Variants in TINAG observed in about 807,000 individuals in gnomAD.
TINAG encodes the protein tubulointerstitial nephritis antigen.
A neutral mutation model predicts 72.7 loss-of-function variants in TINAG; 83 were observed. The observed-to-expected ratio is 1.14, with a 90% CI of 0.96 to 1.37. TINAG has a LOEUF of 1.37. Among genes scored for constraint, TINAG ranks in the 40% most tolerant of loss-of-function variants. TINAG has a pLI of 0.00. For missense variants in TINAG, 685 were observed against 576.6 expected (o/e 1.19, Z -1.93); for synonymous variants, 234 against 189.9 (o/e 1.23, Z -1.91).
intron 10 of TINAG, among the ~76,000 whole-genome samples, chr6:54,381,580 G>C (rs982191099): frequency 3.3e-5 from 5 of 151,922 alleles, no homozygotes; most frequent in African/African-American, 1.2e-4. Flanking sequence ...ATACATGGAG[G>C]TATGATGCTT....
At chr6:54,368,892 T>C (rs1582749227) in intron 9 of TINAG, among the ~76,000 whole-genome samples, 1 of 151,762 alleles carries the variant, frequency 6.6e-6, no homozygotes, top group South Asian at 2.1e-4. Flanking sequence ...GATTCTTACA[T>C]TGAAATTTTG....
At chr6:54,318,117 C>T (rs1463138888) in intron 1 of TINAG, among the ~76,000 whole-genome samples, 7 of 152,122 alleles carry the variant, frequency 4.6e-5, no homozygotes, top group Admixed American at 3.3e-4. Flanking sequence ...TCCTGGACCA[C>T]TTTCTCTTAC....
At chr6:54,341,247 T>C (rs1002016380) in intron 4 of TINAG, among the ~76,000 whole-genome samples, 2 of 152,154 alleles carry the variant, frequency 1.3e-5, no homozygotes, top group African/African-American at 2.4e-5. Flanking sequence ...TTTTAAGATA[T>C]GTATATTTCT....
chr6:54,322,500 G>T (rs1046861885), intron 3 of TINAG, among the ~76,000 whole-genome samples: 12 of 152,150 alleles, frequency 7.9e-5, no homozygotes, highest in African/African-American at 1.9e-4. Flanking sequence ...TTCTGGAAAA[G>T]ATTTCACATA....
chr6:54,316,149 T>C (rs1007078959), intron 1 of TINAG, among the ~76,000 whole-genome samples: 3 of 152,150 alleles, frequency 2.0e-5, no homozygotes, highest in Admixed American at 6.6e-5. Context: ...CTGTTACCTA[T>C]ACAGTGGCTA....
At chr6:54,333,519 T>C (rs1784791403) in intron 4 of TINAG, among the ~76,000 whole-genome samples, 1 of 151,978 alleles carries the variant, frequency 6.6e-6, no homozygotes, top group African/African-American at 2.4e-5. Flanking sequence ...CTAATGTAGA[T>C]GATGGATTGA....
intron 9 of TINAG, among the ~76,000 whole-genome samples, chr6:54,363,097 CT>C (rs1763289969): frequency 6.6e-6 from 1 of 151,488 alleles, no homozygotes; most frequent in Non-Finnish European, 1.5e-5. Flanking sequence ...AAGGGAGCAA[CT>C]TGTGTGAAGT....
At chr6:54,317,628 A>G (rs1784403224) in intron 1 of TINAG, among the ~76,000 whole-genome samples, 1 of 152,080 alleles carries the variant, frequency 6.6e-6, no homozygotes, top group Non-Finnish European at 1.5e-5. Context: ...GTATGTCTTT[A>G]TTAGCAGTGT....
At chr6:54,389,370 G>C (rs1764182496) in intron 10 of TINAG, among the ~76,000 whole-genome samples, 1 of 152,080 alleles carries the variant, frequency 6.6e-6, no homozygotes. Flanking sequence ...TTTCACCTTA[G>C]CACTTGCCTT....
chr6:54,353,285 A>C (rs1417082601), intron 8 of TINAG, among the ~76,000 whole-genome samples: 1 of 151,862 alleles, frequency 6.6e-6, no homozygotes, highest in Non-Finnish European at 1.5e-5. Context: ...TACAGAAAAG[A>C]AAAGCCACTA....
In TINAG at chr6:54,346,527, T is replaced by C. The variant is rs558003382; in HGVS notation, c.749-840T>C. On this transcript the variant is annotated intron_variant, in intron 5 of 10. Coordinates refer to ENST00000259782, the MANE Select transcript of TINAG (RefSeq NM_014464.4). ...TCAGTTACATATATAGCTATTAGAT[T>C]GTATATATATAATTACATGTATAGC... 9.2e-4 allele frequency among the ~76,000 whole-genome samples: 140 copies of C among 151,472 alleles called. 1 individual carries two copies. The highest frequency in any genetic ancestry group is 3.3e-3 in the African/African-American group (137 of 41,390).
chr6:54,356,907 A>G (rs1216967738), intron 9 of TINAG, among the ~76,000 whole-genome samples: 1 of 83,554 alleles, frequency 1.2e-5, no homozygotes, highest in African/African-American at 6.2e-5. Context: ...TAGTGTTGTT[A>G]TCCCTCAGAT....
chr6:54,350,167 C>G (rs532845831), intron 7 of TINAG, among the ~76,000 whole-genome samples: 2 of 152,000 alleles, frequency 1.3e-5, no homozygotes, highest in African/African-American at 4.8e-5. Flanking sequence ...TGTGTATATA[C>G]ATATATTTGA....
At chr6:54,343,151 A>G (rs976710053) in intron 4 of TINAG, 75 bp from the exon 5 acceptor site, 54 of 1,284,780 alleles carry the variant, frequency 4.2e-5, no homozygotes, top group Non-Finnish European at 5.0e-5. Flanking sequence ...TTATAACTTT[A>G]TAAAAGGGCG....
intron 7 of TINAG, among the ~76,000 whole-genome samples, chr6:54,351,137 T>C (rs1785255792): frequency 6.6e-6 from 1 of 152,058 alleles, no homozygotes; most frequent in Non-Finnish European, 1.5e-5. Flanking sequence ...CTATTGTATT[T>C]TGTCTCCACT....
intron 9 of TINAG, among the ~76,000 whole-genome samples, chr6:54,367,934 T>A (rs1763483804): frequency 6.6e-6 from 1 of 151,758 alleles, no homozygotes; most frequent in African/African-American, 2.4e-5. Context: ...GAGCTCTCTA[T>A]GGTGTCCTTT....
chr6:54,330,035 C>A (rs1008422446), intron 4 of TINAG, among the ~76,000 whole-genome samples: 1 of 151,868 alleles, frequency 6.6e-6, no homozygotes, highest in Non-Finnish European at 1.5e-5. Context: ...GATTTTAACA[C>A]CCCACTGTCA....
chr6:54,346,371 T>A (rs1401766665), intron 5 of TINAG, among the ~76,000 whole-genome samples: 1 of 151,864 alleles, frequency 6.6e-6, no homozygotes, highest in Non-Finnish European at 1.5e-5. Context: ...TTCTAGGAAA[T>A]CATATAACAA....
At chr6:54,343,157 G>A in intron 4 of TINAG, 69 bp from the exon 5 acceptor site, 14 of 1,314,916 alleles carry the variant, frequency 1.1e-5, no homozygotes, top group Non-Finnish European at 1.0e-5. Flanking sequence ...CTTTATAAAA[G>A]GGCGTGACAT....
Sources: gnomAD v4.1 joint callset for allele counts (sites outside exome capture counted in the v4.1 genomes callset) on GRCh38, gnomAD v4.1.1 for gene constraint, MANE v1.5 for transcripts, NCBI Gene and HGNC (gene_info 2026-07-23, HGNC 2026-07-21) for gene names.